Variants in PRKG1 observed in about 807,000 individuals in gnomAD.
PRKG1 encodes the protein protein kinase cGMP-dependent 1, also known as cGMP-dependent protein kinase 1.
PRKG1 carries 35 observed loss-of-function variants against 88.1 expected under a neutral mutation model. The ratio of observed to expected loss-of-function variants is 0.40; its 90% CI spans 0.30 to 0.53. The LOEUF is 0.53. PRKG1 is among the 20% of genes least tolerant of loss of function. The pLI is 0.59. For missense variants in PRKG1, 540 were observed against 839.8 expected (o/e 0.64, Z 4.41); for synonymous variants, 303 against 292.5 (o/e 1.04, Z -0.37).
chr10:52,055,797 A>G (rs1053934313), intron 6 of PRKG1, among the ~76,000 whole-genome samples: 2 of 152,190 alleles, frequency 1.3e-5, no homozygotes, highest in Non-Finnish European at 2.9e-5. Context: ...AATGAAGCAT[A>G]TTTATTTCCT....
intron 3 of PRKG1, among the ~76,000 whole-genome samples, chr10:51,714,629 A>T (rs1159670984): frequency 1.3e-5 from 2 of 152,180 alleles, no homozygotes; most frequent in Admixed American, 6.5e-5. Context: ...TACAGTATGT[A>T]CCAGCCATTC....
At chr10:52,133,435 G>A (rs76887198) in intron 7 of PRKG1, among the ~76,000 whole-genome samples, 25,675 of 152,028 alleles carry the variant, frequency 0.17, 2,579 homozygotes, top group South Asian at 0.28. Context: ...AGGATATAAT[G>A]ATAAATTCAT....
chr10:50,993,243 CCT>C (rs1842800446), intron 1 of PRKG1, among the ~76,000 whole-genome samples: 1 of 152,168 alleles, frequency 6.6e-6, no homozygotes, highest in Non-Finnish European at 1.5e-5. Flanking sequence ...AGAAAGGACT[CCT>C]CTTAAGGAAT....
At chr10:52,099,590 A>G (rs962968041) in intron 7 of PRKG1, among the ~76,000 whole-genome samples, 5 of 152,180 alleles carry the variant, frequency 3.3e-5, no homozygotes, top group African/African-American at 1.2e-4. Flanking sequence ...GTAGGGTTTG[A>G]GATATGTGTG....
chr10:52,115,810 T>C (rs1847673104), intron 7 of PRKG1, among the ~76,000 whole-genome samples: 1 of 152,190 alleles, frequency 6.6e-6, no homozygotes, highest in African/African-American at 2.4e-5. Context: ...GCTCAGGGTG[T>C]ATATTCAGAA....
At position 51,362,794 on chromosome 10, in the gene PRKG1, A is replaced by G. The variant is rs1842510604; in HGVS notation, c.479-104929A>G. 2.0e-5 allele frequency among the ~76,000 whole-genome samples: 3 copies of G among 151,712 alleles called. No homozygotes were observed. The South Asian group carries it at 6.3e-4, about 32-fold the overall frequency. On this transcript the variant is annotated intron_variant, in intron 2 of 17. Transcript: ENST00000373980. ...CCCTCCCCTAGCCCCCAACCCCTCA[A>G]CAGGCCCTGGTGTGTGACGTTTCCT...
chr10:51,443,038 A>G (rs1839167662), intron 2 of PRKG1, among the ~76,000 whole-genome samples: 1 of 149,748 alleles, frequency 6.7e-6, no homozygotes, highest in Non-Finnish European at 1.5e-5. Context: ...GAGCAGATTT[A>G]AGGATGTTGA....
chr10:51,063,887 C>A (rs1306792149), intron 1 of PRKG1, among the ~76,000 whole-genome samples: 1 of 151,978 alleles, frequency 6.6e-6, no homozygotes, highest in South Asian at 2.1e-4. Context: ...GTATTTTAGT[C>A]ATTAGAAATT....
At chr10:51,131,027 C>T (rs1179620251) in intron 1 of PRKG1, among the ~76,000 whole-genome samples, 2 of 152,080 alleles carry the variant, frequency 1.3e-5, no homozygotes, top group Non-Finnish European at 2.9e-5. Context: ...TTATTAAAGT[C>T]CAAATATTTA....
intron 9 of PRKG1, among the ~76,000 whole-genome samples, chr10:52,204,823 C>G (rs1839772633): frequency 6.6e-6 from 1 of 152,110 alleles, no homozygotes; most frequent in Non-Finnish European, 1.5e-5. Context: ...ACCTTAAGAA[C>G]AGGATAACAG....
At chr10:51,995,995 G>A (rs1163574175) in intron 5 of PRKG1, among the ~76,000 whole-genome samples, 4 of 152,102 alleles carry the variant, frequency 2.6e-5, no homozygotes, top group East Asian at 1.9e-4. Flanking sequence ...GCTTCTGCAC[G>A]GCAAAGGAAA....
intron 1 of PRKG1, among the ~76,000 whole-genome samples, chr10:51,020,586 T>C (rs7096443): frequency 0.22 from 33,843 of 152,142 alleles, 3,925 homozygotes; most frequent in Non-Finnish European, 0.26. Context: ...ACTTTATTAA[T>C]AGCCCTCAAC....
intron 3 of PRKG1, among the ~76,000 whole-genome samples, chr10:51,632,784 A>C (rs1046281742): frequency 6.6e-6 from 1 of 152,216 alleles, no homozygotes; most frequent in Non-Finnish European, 1.5e-5. Flanking sequence ...GTAAAACTGC[A>C]CTTACTGACG....
At chr10:51,195,973 GCAGCAGGATTC>G (rs1176422634) in intron 2 of PRKG1, among the ~76,000 whole-genome samples, 1 of 152,192 alleles carries the variant, frequency 6.6e-6, no homozygotes, top group Non-Finnish European at 1.5e-5. Flanking sequence ...CACTTGAGCT[GCAGCAGGATTC>G]CAACTGAAAA....
chr10:51,058,635 G>A (rs142470855), intron 1 of PRKG1, among the ~76,000 whole-genome samples: 128 of 152,146 alleles, frequency 8.4e-4, no homozygotes, highest in African/African-American at 2.5e-3. Context: ...TCTTTTGGTC[G>A]AACAAATTTT....
chr10:51,932,674 A>G (rs1210092369), intron 5 of PRKG1, among the ~76,000 whole-genome samples: 1 of 152,160 alleles, frequency 6.6e-6, no homozygotes, highest in East Asian at 1.9e-4. Flanking sequence ...CTGTGACAGG[A>G]CATTTGGCCA....
chr10:51,854,373 C>T (rs1204049748), intron 4 of PRKG1, among the ~76,000 whole-genome samples: 3 of 152,004 alleles, frequency 2.0e-5, no homozygotes, highest in South Asian at 2.1e-4. Context: ...TGTTTGGGGA[C>T]AGGGCAATAT....
At chr10:51,186,242 A>C (rs890101350) in intron 2 of PRKG1, among the ~76,000 whole-genome samples, 2 of 151,074 alleles carry the variant, frequency 1.3e-5, no homozygotes, top group East Asian at 3.9e-4. Context: ...TTTCTCTCTT[A>C]TGCTTCCCAA....
chr10:51,061,060 G>GGGGTGTGTGTGTGTGTGTGTGTGTGT (rs1491449534), intron 1 of PRKG1, among the ~76,000 whole-genome samples: 1 of 147,042 alleles, frequency 6.8e-6, no homozygotes, highest in African/African-American at 2.6e-5. Flanking sequence ...TATACCTAGG[G>GGGGTGTGTGTGTGTGTGTGTGTGTGT]GTGTGTGTGT....
Sources: allele counts gnomAD v4.1 joint callset (sites outside exome capture counted in the v4.1 genomes callset), GRCh38; gene constraint gnomAD v4.1.1; transcripts MANE v1.5; gene names NCBI Gene and HGNC (gene_info 2026-07-23, HGNC 2026-07-21).